Variants in CRTC3 observed in about 807,000 individuals in gnomAD.
CRTC3 encodes the protein CREB-regulated transcription coactivator 3.
In CRTC3, 26 loss-of-function variants were observed where a neutral mutation model predicts 74.5. The observed-to-expected ratio is 0.35, with a 90% CI of 0.26 to 0.48. CRTC3 has a LOEUF of 0.48. Ranked by LOEUF, CRTC3 falls within the 20% of genes least tolerant of loss-of-function variation. The pLI, the probability that CRTC3 is intolerant of heterozygous loss-of-function variation, is 0.99. For missense variants in CRTC3, 760 were observed against 787.3 expected, an observed-to-expected ratio of 0.97 and a Z score of 0.41; for synonymous variants, 377 against 325.8, an observed-to-expected ratio of 1.16 and a Z score of -1.69.
intron 2 of CRTC3, among the ~76,000 whole-genome samples, chr15:90,583,545 A>G (rs1967591247): frequency 6.6e-6 from 1 of 152,210 alleles, no homozygotes; most frequent in Middle Eastern, 3.4e-3. Context: ...CAAACAAAAA[A>G]CCCATCTAGG....
chr15:90,534,122 TAGG>T (rs902927037), intron 1 of CRTC3, among the ~76,000 whole-genome samples: 1 of 152,024 alleles, frequency 6.6e-6, no homozygotes, highest in African/African-American at 2.4e-5. Context: ...AGGATTTTAG[TAGG>T]AGATGTGATA....
At chr15:90,634,605 G>A in intron 11 of CRTC3, 1 of 454,364 alleles carries the variant, frequency 2.2e-6, no homozygotes, top group South Asian at 2.8e-5. Context: ...CACGGCAGAT[G>A]GTTTCCTCAG....
At position 90,642,354 on chromosome 15, in the gene CRTC3, C is replaced by T. The variant is rs542785227; in HGVS notation, c.*214C>T. 6.8e-5 allele frequency: 39 copies of T among 570,834 alleles called. No homozygotes were observed. The highest frequency in any genetic ancestry group is 9.4e-4 in the Middle Eastern group (2 of 2,120). 35.4% of individuals were successfully genotyped at this position (570,834 alleles called of 1,614,324 possible). ...TGCCTCTCCCGCCTGTGGCCAAAGTCGTGTTGCAGCAGGCAGGCTGCTTGG... is the reference window on the plus strand; with the variant it reads ...TGCCTCTCCCGCCTGTGGCCAAAGTTGTGTTGCAGCAGGCAGGCTGCTTGG... On this transcript the variant is annotated 3_prime_UTR_variant, in exon 15 of 15. Transcript: ENST00000268184.
intron 10 of CRTC3, 37 bp from the exon 11 acceptor site, chr15:90,629,197 G>C: frequency 6.3e-7 from 1 of 1,585,704 alleles, no homozygotes; most frequent in Non-Finnish European, 8.6e-7. Context: ...GATTTGGTCT[G>C]AAATTATAAG....
At chr15:90,539,579 A>G (rs986718976) in intron 1 of CRTC3, 1 of 171,566 alleles carries the variant, frequency 5.8e-6, no homozygotes, top group African/African-American at 2.4e-5. Flanking sequence ...AATAGCATAG[A>G]AAAGGCTTAT....
chr15:90,567,054 GCCATCTAGGA>G (rs1456657921), intron 2 of CRTC3, among the ~76,000 whole-genome samples: 12 of 152,112 alleles, frequency 7.9e-5, no homozygotes, highest in African/African-American at 2.9e-4. Context: ...GGAAGCAGAT[GCCATCTAGGA>G]CTTTAATTCC....
intron 2 of CRTC3, among the ~76,000 whole-genome samples, chr15:90,577,906 A>G (rs1458727012): frequency 6.6e-6 from 1 of 152,188 alleles, no homozygotes; most frequent in Admixed American, 6.5e-5. Context: ...AGGGATATTT[A>G]TTTATTTATT....
intron 2 of CRTC3, among the ~76,000 whole-genome samples, chr15:90,570,395 G>A (rs1162777294): frequency 6.6e-6 from 1 of 152,094 alleles, no homozygotes; most frequent in South Asian, 2.1e-4. Context: ...AAATTCTTGA[G>A]TTTCTCTTTA....
intron 12 of CRTC3, 36 bp from the exon 13 acceptor site, chr15:90,638,699 T>G (rs766383119): frequency 1.0e-4 from 167 of 1,612,158 alleles, no homozygotes; most frequent in Non-Finnish European, 1.3e-4. Flanking sequence ...TTGCTCTGAG[T>G]TCCAAGCTAA....
chr15:90,588,589 T>C (rs984237356), intron 2 of CRTC3, among the ~76,000 whole-genome samples: 1 of 120,476 alleles, frequency 8.3e-6, no homozygotes, highest in African/African-American at 2.9e-5. Context: ...CCAAAGCAAG[T>C]CACATGGGCC....
chr15:90,627,851 T>G (rs1473564827), intron 10 of CRTC3, among the ~76,000 whole-genome samples: 1 of 65,964 alleles, frequency 1.5e-5, no homozygotes, highest in Non-Finnish European at 4.1e-5. Flanking sequence ...CCTGACCTCA[T>G]GATCCACCCG....
chr15:90,633,359 A>G (rs970248922), intron 11 of CRTC3, among the ~76,000 whole-genome samples: 4 of 152,214 alleles, frequency 2.6e-5, no homozygotes, highest in Non-Finnish European at 1.5e-5. Context: ...GTGACTTTGT[A>G]TGACTTAAAA....
intron 2 of CRTC3, among the ~76,000 whole-genome samples, chr15:90,564,767 T>C (rs944605468): frequency 2.0e-5 from 3 of 152,182 alleles, no homozygotes; most frequent in South Asian, 2.1e-4. Flanking sequence ...TTGTTGTCAC[T>C]GTAAGCAATG....
intron 1 of CRTC3, among the ~76,000 whole-genome samples, chr15:90,535,173 A>G (rs11635403): frequency 6.7e-6 from 1 of 150,332 alleles, no homozygotes; most frequent in African/African-American, 2.5e-5. Flanking sequence ...AAAAAAAAAA[A>G]AAAAAAAGAA....
chr15:90,629,439 C>T lies in CRTC3; in HGVS notation c.1173C>T (p.Ser391=), dbSNP rs1454336726. 1.2e-6 allele frequency: 2 copies of T among 1,614,034 alleles called. No individual in the cohort carries two copies. The highest frequency in any genetic ancestry group is 1.6e-4 in the Middle Eastern group (1 of 6,084). Residue 391 remains serine (S), a synonymous_variant, in exon 11 of 15, where the codon AGC becomes AGT. Transcript: ENST00000268184. ...GPSRRRQPPV[S]PLTLSPGPEA... is the part of the protein sequence containing the mutation. ...CTCGGCGTCGGCAGCCTCCCGTCAG[C>T]CCTCTCACGCTTTCTCCTGGCCCTG...
intron 2 of CRTC3, among the ~76,000 whole-genome samples, chr15:90,557,517 C>T (rs1244358129): frequency 6.6e-6 from 1 of 152,176 alleles, no homozygotes; most frequent in African/African-American, 2.4e-5. Flanking sequence ...ACAAATGGTG[C>T]CCCTCTTTGA....
chr15:90,556,378 A>G (rs1158590512), intron 2 of CRTC3, among the ~76,000 whole-genome samples: 2 of 152,194 alleles, frequency 1.3e-5, no homozygotes, highest in Non-Finnish European at 2.9e-5. Context: ...ACTTTTTGGC[A>G]ATGATATTTA....
intron 1 of CRTC3, among the ~76,000 whole-genome samples, chr15:90,538,893 C>T (rs1419524000): frequency 6.6e-6 from 1 of 152,104 alleles, no homozygotes; most frequent in Non-Finnish European, 1.5e-5. Context: ...GCTCAGCCTC[C>T]TGCTAGCCAC....
chr15:90,625,241 A>G (rs1001284289), intron 9 of CRTC3, among the ~76,000 whole-genome samples: 54 of 152,226 alleles, frequency 3.5e-4, no homozygotes, highest in Admixed American at 3.5e-3. Context: ...CTGCTTGTTC[A>G]TCATGGTGCC....
Sources: gnomAD v4.1 joint callset for allele counts (sites outside exome capture counted in the v4.1 genomes callset) on GRCh38, gnomAD v4.1.1 for gene constraint, MANE v1.5 for transcripts, NCBI Gene and HGNC (gene_info 2026-07-23, HGNC 2026-07-21) for gene names.